The following FILIP1 variants were observed in gnomAD, a reference collection of about 807,000 sequenced individuals.
FILIP1 encodes the protein filamin-A-interacting protein 1.
Under a neutral mutation model 102.1 loss-of-function variants are expected in FILIP1, and 61 were observed. The observed-to-expected ratio is 0.60, with a 90% confidence interval of 0.49 to 0.74. FILIP1 has a LOEUF of 0.74. Ranked by LOEUF, FILIP1 falls within the 30% of genes least tolerant of loss-of-function variation. The pLI is 0.00. For synonymous variants in FILIP1, 491 were observed against 526.9 expected (o/e 0.93, Z 0.93); for missense variants, 1,314 against 1,441.2 (o/e 0.91, Z 1.43).
chr6:75,370,605 T>A (rs2149623885), intron 2 of FILIP1, among the ~76,000 whole-genome samples: 1 of 148,618 alleles, frequency 6.7e-6, no homozygotes, highest in East Asian at 2.0e-4. Context: ...AGACAGAGTT[T>A]TGCTCTTGTC....
chr6:75,393,732 T>C (rs754485382), intron 2 of FILIP1, among the ~76,000 whole-genome samples: 5 of 152,208 alleles, frequency 3.3e-5, no homozygotes, highest in Non-Finnish European at 5.9e-5. Context: ...CATTTATATC[T>C]ATTCTACTCT....
At chr6:75,299,740 T>C (rs1384838108) in intron 6 of FILIP1, among the ~76,000 whole-genome samples, 2 of 152,216 alleles carry the variant, frequency 1.3e-5, no homozygotes, top group Non-Finnish European at 2.9e-5. Context: ...GTAGTTTTTA[T>C]GAAGTCTTTT....
intron 4 of FILIP1, among the ~76,000 whole-genome samples, chr6:75,341,272 T>C (rs1382649617): frequency 2.0e-5 from 3 of 151,846 alleles, no homozygotes; most frequent in African/African-American, 7.3e-5. Flanking sequence ...GTGATCCTCC[T>C]ACTTCAGCCT....
At chr6:75,473,886 A>T (rs981890722) in intron 1 of FILIP1, 6 of 152,214 alleles carry the variant, frequency 3.9e-5, no homozygotes, top group Admixed American at 1.3e-4. Flanking sequence ...TGGTTTTCAA[A>T]TTTTTTAGGA....
rs1207218477 is a variant in FILIP1, at chr6:75,481,948, CT to C, written c.-7+11465del. Reference sequence around the variant, plus strand: ...ATAGTTTAAATTAGATGATTTTAATCTTTCACTAATACTATGTAGAAAAACA... The same window carrying C: ...ATAGTTTAAATTAGATGATTTTAATCTTCACTAATACTATGTAGAAAAACA... On this transcript the variant is annotated intron_variant, in intron 1 of 5. Coordinates refer to ENST00000237172, the MANE Select transcript of FILIP1 (RefSeq NM_015687.5). Among the ~76,000 whole-genome samples the C allele has an allele frequency of 2.6e-5, 4 of 152,270 alleles. No individual in the cohort carries two copies. The South Asian group carries it at 6.2e-4, about 24-fold the overall frequency.
At chr6:75,460,061 T>C (rs376412394) in intron 1 of FILIP1, among the ~76,000 whole-genome samples, 53 of 152,306 alleles carry the variant, frequency 3.5e-4, no homozygotes, top group African/African-American at 1.2e-3. Context: ...GGAGGCCCCA[T>C]AATTCCCTCT....
chr6:75,312,839 G>C lies in FILIP1; in HGVS notation c.2993C>G (p.Ala998Gly). Residue 998 changes from alanine to glycine, a missense_variant, in exon 5 of 6, where the codon GCA (alanine) becomes GGA (glycine). Transcript: ENST00000237172. ...REKTPESGRGAFADRPTSPIQ... is the reference protein window; with the variant it reads ...REKTPESGRGGFADRPTSPIQ... ...AGGGGATGTGGGCCTGTCTGCAAAT[G>C]CGCCTCTTCCACTTTCTGGAGTCTT... 6.2e-7 allele frequency: 1 copy of C among 1,614,182 alleles called. No individual in the cohort carries two copies. The highest frequency in any genetic ancestry group is 8.5e-7 in the Non-Finnish European group (1 of 1,180,048).
intron 1 of FILIP1, among the ~76,000 whole-genome samples, chr6:75,486,463 T>C (rs946863893): frequency 4.6e-5 from 7 of 152,186 alleles, no homozygotes; most frequent in African/African-American, 1.7e-4. Context: ...CTTTATTCTT[T>C]GCACTTTGTG....
At chr6:75,469,026 A>C (rs144781149) in intron 1 of FILIP1, among the ~76,000 whole-genome samples, 1 of 152,062 alleles carries the variant, frequency 6.6e-6, no homozygotes, top group Non-Finnish European at 1.5e-5. Flanking sequence ...TAATTTTGCC[A>C]ACCAAAATAA....
intron 5 of FILIP1, among the ~76,000 whole-genome samples, chr6:75,309,935 CAT>C (rs199992770): frequency 0.015 from 2,324 of 152,318 alleles, 25 homozygotes; most frequent in African/African-American, 0.019. Flanking sequence ...TTTCCACACA[CAT>C]GTTTCTAAAA....
chr6:75,395,582 A>G (rs927036983), intron 2 of FILIP1, among the ~76,000 whole-genome samples: 3 of 152,112 alleles, frequency 2.0e-5, no homozygotes, highest in Non-Finnish European at 4.4e-5. Flanking sequence ...CAGGCCAAAA[A>G]TTTCTAAATA....
At chr6:75,343,079 G>GA (rs1774467944) in intron 4 of FILIP1, among the ~76,000 whole-genome samples, 1 of 152,096 alleles carries the variant, frequency 6.6e-6, no homozygotes, top group Non-Finnish European at 1.5e-5. Flanking sequence ...CATAAGGTTG[G>GA]AGTTCTAATC....
In FILIP1 at chr6:75,308,106, C is replaced by T; in HGVS notation, c.*585G>A. ...TTCTTAGGATTCCATATTTCATTTC[C>T]ATTTTATTACATGTTCACATTATTT... On this transcript the variant is annotated 3_prime_UTR_variant, in exon 6 of 6. Transcript: ENST00000237172. The T allele has an allele frequency of 1.0e-6, 1 of 985,896 alleles. No homozygotes were observed. The highest frequency in any genetic ancestry group is 1.2e-6 in the Non-Finnish European group (1 of 829,994). 61.1% of individuals were successfully genotyped at this position (985,896 alleles called of 1,614,324 possible).
intron 2 of FILIP1, among the ~76,000 whole-genome samples, chr6:75,397,200 A>T (rs1776490775): frequency 6.6e-6 from 1 of 152,036 alleles, no homozygotes; most frequent in Non-Finnish European, 1.5e-5. Context: ...TAAATAAATA[A>T]ATAAAAGACT....
At chr6:75,318,228 CTTTT>C (rs35536817) in intron 4 of FILIP1, among the ~76,000 whole-genome samples, 1 of 102,892 alleles carries the variant, frequency 9.7e-6, no homozygotes, top group Admixed American at 1.1e-4. Context: ...ATTATACAGT[CTTTT>C]TTTTTTTTTT....
chr6:75,384,137 AT>A (rs943765547), intron 2 of FILIP1, among the ~76,000 whole-genome samples: 2 of 151,954 alleles, frequency 1.3e-5, no homozygotes. Context: ...AGTGTTCTCA[AT>A]TTTTTTTACC....
intron 2 of FILIP1, among the ~76,000 whole-genome samples, chr6:75,411,479 A>T (rs898870361): frequency 1.3e-5 from 2 of 152,032 alleles, no homozygotes; most frequent in Admixed American, 6.6e-5. Context: ...GTTTTAGTCA[A>T]GAAGTCTTTG....
rs181966825 is a variant in FILIP1, at chr6:75,314,716, T to C, written c.1116A>G (p.Gly372=). ...LRDKIAKGEC[G]NSSLMAEVEN... Reference sequence around the variant, plus strand: ...CCACTTCTGCCATGAGGCTAGAGTTTCCACATTCTCCTTTGGCAATTTTAT... The same window carrying C: ...CCACTTCTGCCATGAGGCTAGAGTTCCCACATTCTCCTTTGGCAATTTTAT... Residue 372 remains glycine, a synonymous_variant, in exon 5 of 6, where the codon GGA becomes GGG. Transcript: ENST00000237172. The C allele has an allele frequency of 5.6e-5, 91 of 1,614,194 alleles. No individual in the cohort carries two copies. In the East Asian group the frequency reaches 2.0e-3, roughly 35 times the overall value.
chr6:75,437,325 T>C (rs1468080946), intron 1 of FILIP1, among the ~76,000 whole-genome samples: 1 of 152,248 alleles, frequency 6.6e-6, no homozygotes, highest in Non-Finnish European at 1.5e-5. Flanking sequence ...ATGGACAAAC[T>C]TAAAACAAAT....
Sources: allele counts gnomAD v4.1 joint callset (sites outside exome capture counted in the v4.1 genomes callset), GRCh38; gene constraint gnomAD v4.1.1; transcripts MANE v1.5; gene names NCBI Gene and HGNC (gene_info 2026-07-23, HGNC 2026-07-21).